The following MIPOL1 variants were observed in gnomAD, a reference collection of about 807,000 sequenced individuals.
MIPOL1 encodes the protein mirror-image polydactyly 1, also known as mirror-image polydactyly gene 1 protein.
Under a neutral mutation model 60.9 loss-of-function variants are expected in MIPOL1, and 57 were observed. The observed-to-expected ratio is 0.94, with a 90% CI of 0.76 to 1.17. The LOEUF (loss-of-function observed/expected upper bound fraction) is 1.17. MIPOL1 is among the 50% of genes most tolerant of loss of function. MIPOL1 has a pLI of 0.00. For missense variants in MIPOL1, 551 were observed against 511.6 expected (o/e 1.08, Z -0.74); for synonymous variants, 179 against 168.8 (o/e 1.06, Z -0.47).
chr14:37,278,950 A>AG (rs1013818171), intron 6 of MIPOL1: 19 of 151,692 alleles, frequency 1.3e-4, no homozygotes, highest in African/African-American at 4.6e-4. Flanking sequence ...TATTTGGTTG[A>AG]GGGGGGTACG....
chr14:37,256,261 A>G (rs1477007558), intron 3 of MIPOL1, among the ~76,000 whole-genome samples: 2 of 151,856 alleles, frequency 1.3e-5, no homozygotes, highest in Admixed American at 6.6e-5. Flanking sequence ...TTCATTTAGC[A>G]TTAGTTTCCT....
At chr14:37,399,721 C>G (rs2093445621) in intron 10 of MIPOL1, 1 of 152,146 alleles carries the variant, frequency 6.6e-6, no homozygotes, top group South Asian at 2.1e-4. Context: ...CCATTATTGT[C>G]AACCATAAAT....
intron 10 of MIPOL1, among the ~76,000 whole-genome samples, chr14:37,389,866 A>G (rs1283229345): frequency 1.3e-5 from 2 of 151,812 alleles, no homozygotes; most frequent in Non-Finnish European, 2.9e-5. Context: ...TTAAAAACAA[A>G]CAAAAAGTCT....
chr14:37,449,583 G>T (rs2094388348), intron 11 of MIPOL1, among the ~76,000 whole-genome samples: 3 of 152,236 alleles, frequency 2.0e-5, no homozygotes, highest in South Asian at 2.1e-4. Context: ...TAACCATGTG[G>T]TATTCTAAAA....
chr14:37,448,954 C>G (rs1488576631), intron 11 of MIPOL1, among the ~76,000 whole-genome samples: 4 of 152,130 alleles, frequency 2.6e-5, no homozygotes, highest in Non-Finnish European at 4.4e-5. Context: ...TTAAGTTCTT[C>G]AGGTATTTAT....
At chr14:37,336,939 T>C (rs2090170520) in intron 9 of MIPOL1, among the ~76,000 whole-genome samples, 1 of 151,920 alleles carries the variant, frequency 6.6e-6, no homozygotes, top group Non-Finnish European at 1.5e-5. Context: ...TTTTTGTATT[T>C]TTAGTAGAGA....
intron 7 of MIPOL1, among the ~76,000 whole-genome samples, chr14:37,302,767 G>T (rs1205786619): frequency 6.7e-6 from 1 of 150,364 alleles, no homozygotes; most frequent in East Asian, 2.0e-4. Context: ...GTTAATTTCT[G>T]AATTTACTAT....
chr14:37,530,656 G>A (rs1159150231), intron 12 of MIPOL1, among the ~76,000 whole-genome samples: 3 of 152,158 alleles, frequency 2.0e-5, no homozygotes, highest in Non-Finnish European at 4.4e-5. Flanking sequence ...GCTGCAGTTT[G>A]AGGTATCATC....
chr14:37,216,944 A>G (rs2139422273), intron 1 of MIPOL1, among the ~76,000 whole-genome samples: 1 of 152,276 alleles, frequency 6.6e-6, no homozygotes, highest in Admixed American at 6.5e-5. Context: ...ATAGAAATAA[A>G]TGAAATTTTA....
At chr14:37,515,926 G>T (rs1956437) in intron 12 of MIPOL1, among the ~76,000 whole-genome samples, 118,556 of 152,136 alleles carry the variant, frequency 0.78, 46,681 homozygotes, top group African/African-American at 0.89. Flanking sequence ...CATTCTTGAG[G>T]AGAGCTGGTA....
chr14:37,451,810 T>C (rs866043177), intron 11 of MIPOL1, among the ~76,000 whole-genome samples: 2 of 2,750 alleles, frequency 7.3e-4, no homozygotes, highest in East Asian at 0.05. Flanking sequence ...TATTCTCTCT[T>C]TTTTTTTTTT....
intron 9 of MIPOL1, 116 bp downstream of exon 9, chr14:37,308,635 T>C (rs1595055466): frequency 1.7e-6 from 1 of 590,536 alleles, no homozygotes; most frequent in Non-Finnish European, 2.7e-6. Flanking sequence ...TTTTAGCACA[T>C]AATTAATACC....
At chr14:37,338,545 A>T (rs981377446) in intron 9 of MIPOL1, among the ~76,000 whole-genome samples, 1 of 151,814 alleles carries the variant, frequency 6.6e-6, no homozygotes, top group Non-Finnish European at 1.5e-5. Flanking sequence ...AATAACTGGG[A>T]CCATAGGTGT....
At chr14:37,279,479 A>G (rs972160885) in intron 6 of MIPOL1, among the ~76,000 whole-genome samples, 14 of 152,026 alleles carry the variant, frequency 9.2e-5, no homozygotes, top group African/African-American at 3.4e-4. Flanking sequence ...AAAATGTTTG[A>G]GAGTTGCATA....
At chr14:37,401,997 T>A (rs1170985711) in intron 10 of MIPOL1, 1 of 152,144 alleles carries the variant, frequency 6.6e-6, no homozygotes, top group Non-Finnish European at 1.5e-5. Context: ...TTTTCCTTTG[T>A]TGATAGGGCA....
At chr14:37,347,706 C>T (rs983587582) in intron 9 of MIPOL1, among the ~76,000 whole-genome samples, 3 of 152,010 alleles carry the variant, frequency 2.0e-5, no homozygotes, top group Non-Finnish European at 4.4e-5. Context: ...ACATATCAAC[C>T]TACAAAGGAA....
intron 1 of MIPOL1, among the ~76,000 whole-genome samples, chr14:37,237,459 C>T (rs1971668044): frequency 6.6e-6 from 1 of 151,834 alleles, no homozygotes; most frequent in South Asian, 2.1e-4. Flanking sequence ...TTGCTGTAAA[C>T]CTTTGACTAT....
chr14:37,509,217 A>G (rs563779600), intron 12 of MIPOL1, among the ~76,000 whole-genome samples: 24 of 151,406 alleles, frequency 1.6e-4, no homozygotes, highest in African/African-American at 5.6e-4. Context: ...AAAACTCTTT[A>G]CTCTTCACTC....
intron 3 of MIPOL1, among the ~76,000 whole-genome samples, chr14:37,250,788 T>TG (rs1292226322): frequency 2.0e-5 from 3 of 152,118 alleles, no homozygotes; most frequent in African/African-American, 7.2e-5. Flanking sequence ...AGAAATTAAG[T>TG]TAATTAAAAC....
Sources: gnomAD v4.1 joint callset for allele counts (sites outside exome capture counted in the v4.1 genomes callset) on GRCh38, gnomAD v4.1.1 for gene constraint, MANE v1.5 for transcripts, NCBI Gene and HGNC (gene_info 2026-07-23, HGNC 2026-07-21) for gene names.